Variants in NDUFA10 observed in about 807,000 individuals in gnomAD.
The protein encoded by NDUFA10 is NADH dehydrogenase [ubiquinone] 1 alpha subcomplex subunit 10, mitochondrial.
NDUFA10 carries 40 observed loss-of-function variants against 47.8 expected under a neutral mutation model. The ratio of observed to expected loss-of-function variants is 0.84; its 90% CI spans 0.65 to 1.09. The LOEUF is 1.09. Among genes scored for constraint, NDUFA10 ranks in the 50% least tolerant of loss-of-function variants. NDUFA10 has a pLI of 0.00. For synonymous variants in NDUFA10, 183 were observed against 172.2 expected (o/e 1.06, Z -0.49); for missense variants, 413 against 451.1 (o/e 0.92, Z 0.76).
chr2:239,912,196 C>T (rs1288244417), intron 4 of NDUFA10, among the ~76,000 whole-genome samples: 1 of 152,166 alleles, frequency 6.6e-6, no homozygotes, highest in Non-Finnish European at 1.5e-5. Context: ...GCACTTTGCA[C>T]CCCCCTCTGG....
chr2:239,961,120 A>C lies in NDUFA10; in HGVS notation c.1066T>G (p.Ter356GlyextTer33). Reference sequence around the variant, plus strand: ...AGCTGGAGCAGAAGGCGGCCCGTTCACTTCAGCCAGATCCACTTGTCTCCC... The same window carrying C: ...AGCTGGAGCAGAAGGCGGCCCGTTCCCTTCAGCCAGATCCACTTGTCTCCC... Reference protein sequence around the residue: ...EVGDKWIWLK* With the variant: ...EVGDKWIWLKG Residue 356 changes from the stop codon to glycine, a stop_lost, in exon 10 of 10, where the codon TGA becomes GGA. Coordinates refer to ENST00000252711, the MANE Select transcript of NDUFA10 (RefSeq NM_004544.4). The C allele has an allele frequency of 6.2e-7, 1 of 1,614,174 alleles. No homozygotes were observed. The highest frequency in any genetic ancestry group is 8.5e-7 in the Non-Finnish European group (1 of 1,180,034).
intron 4 of NDUFA10, among the ~76,000 whole-genome samples, chr2:239,918,792 G>A (rs1207166132): frequency 2.0e-5 from 3 of 152,150 alleles, no homozygotes; most frequent in South Asian, 2.1e-4. Flanking sequence ...GCTCCCACCC[G>A]TGTCCTCGCT....
At position 239,960,358 on chromosome 2, in the gene NDUFA10, T is replaced by A. The variant is rs1483065194; in HGVS notation, c.*760A>T. Reference sequence around the variant, plus strand: ...TCATTTCTCAGTTTTGACTGGCAACTTGATTTTCTGGGTAATAAAGAGAGT... The same window carrying A: ...TCATTTCTCAGTTTTGACTGGCAACATGATTTTCTGGGTAATAAAGAGAGT... On this transcript the variant is annotated 3_prime_UTR_variant, in exon 10 of 10. Transcript: ENST00000252711. The A allele has an allele frequency of 4.1e-6, 4 of 985,458 alleles. No individual in the cohort carries two copies. The African/African-American group carries it at 7.0e-5, about 17-fold the overall frequency. 61.0% of individuals were successfully genotyped at this position (985,458 alleles called of 1,614,324 possible).
intron 4 of NDUFA10, among the ~76,000 whole-genome samples, chr2:239,917,874 G>A (rs1693902801): frequency 6.6e-6 from 1 of 152,212 alleles, no homozygotes; most frequent in Non-Finnish European, 1.5e-5. Context: ...GCCCCTCTGG[G>A]AAGATGGCAG....
In NDUFA10 at chr2:239,966,858, TTTTTTTTTTTTTC is replaced by T. The variant is rs1462470295; in HGVS notation, c.1000-5685_1000-5673del. On this transcript the variant is annotated intron_variant, in intron 9 of 9. Coordinates refer to ENST00000252711, the MANE Select transcript of NDUFA10 (RefSeq NM_004544.4). The stretch of plus-strand genomic sequence containing the variant: ...CATGTGCAAGGATTTCTTTTTTTTT[TTTTTTTTTTTTTC>T]CCTAAGAGAGAGAGATTAAGTAACT... 2.0e-4 allele frequency among the ~76,000 whole-genome samples: 22 copies of T among 107,334 alleles called. No homozygotes were observed. The East Asian group carries it at 6.1e-3, about 30-fold the overall frequency. 70.4% of individuals were successfully genotyped at this position (107,334 alleles called of 152,430 possible). A position where few individuals can be genotyped will look rare whatever the true frequency, so the allele number is the denominator to read the frequency against.
chr2:239,965,754 C>T (rs778094470), intron 9 of NDUFA10, among the ~76,000 whole-genome samples: 3 of 152,340 alleles, frequency 2.0e-5, no homozygotes, highest in Non-Finnish European at 4.4e-5. Flanking sequence ...GCCGAGTATA[C>T]ACCGGGTGAG....
At position 240,022,476 on chromosome 2, in the gene NDUFA10, A is replaced by G. The variant is rs910105537; in HGVS notation, c.76-136T>C. 5.3e-6 allele frequency: 7 copies of G among 1,317,498 alleles called. No individual in the cohort carries two copies. The African/African-American group carries it at 8.9e-5, about 17-fold the overall frequency. The allele number at this position is 1,317,498 out of a possible 1,614,324, so 81.6% of individuals were successfully genotyped here. On this transcript the variant is annotated intron_variant, in intron 1 of 9. Coordinates refer to ENST00000252711, the MANE Select transcript of NDUFA10 (RefSeq NM_004544.4). Reference sequence around the variant, plus strand: ...ACATCTACATCTTTATTGCCTATTAATTTGTTTAATTATCTGTCTATCCCC... The same window carrying G: ...ACATCTACATCTTTATTGCCTATTAGTTTGTTTAATTATCTGTCTATCCCC...
At chr2:239,902,437 G>A (rs1387017664) in intron 4 of NDUFA10, among the ~76,000 whole-genome samples, 1 of 152,202 alleles carries the variant, frequency 6.6e-6, no homozygotes, top group African/African-American at 2.4e-5. Context: ...GGTGAGGTAT[G>A]CACATTGTTT....
At chr2:239,966,868 TTTC>T (rs758238325) in intron 9 of NDUFA10, among the ~76,000 whole-genome samples, 9,550 of 80,032 alleles carry the variant, frequency 0.12, 488 homozygotes, top group African/African-American at 0.19. Context: ...TTTTTTTTTT[TTTC>T]CCTAAGAGAG....
rs112230072 is a variant in NDUFA10, at chr2:239,918,777, C to T, written c.295-23463G>A. On this transcript the variant is annotated intron_variant, in intron 4 of 5. Coordinates refer to the NDUFA10 transcript ENST00000419408. Reference sequence around the variant, plus strand: ...ACCACGCATGGTGACTGGTTACCCACGTCAGCTCCCACCCGTGTCCTCGCT... The same window carrying T: ...ACCACGCATGGTGACTGGTTACCCATGTCAGCTCCCACCCGTGTCCTCGCT... 7.2e-5 allele frequency among the ~76,000 whole-genome samples: 11 copies of T among 152,272 alleles called. No individual in the cohort carries two copies. In the South Asian group the frequency reaches 2.1e-3, roughly 29 times the overall value.
chr2:239,991,807 T>C (rs1696259970), intron 8 of NDUFA10, among the ~76,000 whole-genome samples: 1 of 152,232 alleles, frequency 6.6e-6, no homozygotes. Flanking sequence ...GTGACATGGT[T>C]CTCTTTACAG....
Position 239,894,840 on chromosome 2 carries a change from C to T in NDUFA10, c.*14+365G>A, listed in dbSNP as rs138646128. On this transcript the variant is annotated intron_variant, in intron 5 of 5. Transcript: ENST00000419408. Reference sequence around the variant, plus strand: ...CTGAAATATATGAGCCACCAACTCCCAAATCAGGAGCCCTCTTCCATGATG... The same window carrying T: ...CTGAAATATATGAGCCACCAACTCCTAAATCAGGAGCCCTCTTCCATGATG... 2.4e-4 allele frequency among the ~76,000 whole-genome samples: 36 copies of T among 152,286 alleles called. No individual in the cohort carries two copies. The East Asian group carries it at 6.9e-3, about 29-fold the overall frequency.
At chr2:239,932,535 G>A (rs1197055260) in intron 4 of NDUFA10, among the ~76,000 whole-genome samples, 1 of 152,150 alleles carries the variant, frequency 6.6e-6, no homozygotes. Flanking sequence ...TGTAAATTAG[G>A]TCTTCCTCTG....
chr2:239,924,092 T>C (rs1694033017), intron 4 of NDUFA10, among the ~76,000 whole-genome samples: 1 of 152,146 alleles, frequency 6.6e-6, no homozygotes, highest in African/African-American at 2.4e-5. Flanking sequence ...CATGCCCAGG[T>C]GGTATCAGTG....
At chr2:239,927,561 T>G (rs559924740) in intron 4 of NDUFA10, among the ~76,000 whole-genome samples, 1 of 152,318 alleles carries the variant, frequency 6.6e-6, no homozygotes, top group East Asian at 1.9e-4. Context: ...AAAGCATGAC[T>G]GTATTGCCAC....
At chr2:240,015,461 A>G (rs183769671) in intron 4 of NDUFA10, among the ~76,000 whole-genome samples, 2 of 152,386 alleles carry the variant, frequency 1.3e-5, no homozygotes, top group African/African-American at 4.8e-5. Flanking sequence ...TATTTTTCAA[A>G]TAACTCAGCT....
intron 9 of NDUFA10, among the ~76,000 whole-genome samples, chr2:239,967,188 C>T (rs931694740): frequency 6.6e-6 from 1 of 152,190 alleles, no homozygotes; most frequent in Non-Finnish European, 1.5e-5. Context: ...AATTTAATAA[C>T]GCCAAGATGC....
intron 6 of NDUFA10, among the ~76,000 whole-genome samples, chr2:240,009,058 T>C (rs1697047354): frequency 6.6e-6 from 1 of 152,192 alleles, no homozygotes; most frequent in Non-Finnish European, 1.5e-5. Context: ...ATGGTGGTTA[T>C]TCCTATAGGT....
At chr2:239,973,538 A>G (rs1220315378) in intron 9 of NDUFA10, 1 of 470,942 alleles carries the variant, frequency 2.1e-6, no homozygotes, top group Non-Finnish European at 4.4e-6. Context: ...TTGTCCTAGC[A>G]ACTATCTTGG....
Sources: gnomAD v4.1 joint callset for allele counts (sites outside exome capture counted in the v4.1 genomes callset) on GRCh38, gnomAD v4.1.1 for gene constraint, MANE v1.5 for transcripts, NCBI Gene and HGNC (gene_info 2026-07-23, HGNC 2026-07-21) for gene names.